PARD3: variants seen among roughly 807,000 people sequenced by gnomAD.
The protein encoded by PARD3 is par-3 family cell polarity regulator.
In PARD3, 75 loss-of-function variants were observed where a neutral mutation model predicts 155.4. That is an observed-to-expected ratio of 0.48 (90% CI 0.40 to 0.58). The LOEUF is 0.58. PARD3 is among the 20% of genes least tolerant of loss of function. PARD3 has a pLI of 0.00. For missense variants in PARD3, 1,642 were observed against 1,721.7 expected, an observed-to-expected ratio of 0.95 and a Z score of 0.82; for synonymous variants, 576 against 610.5, an observed-to-expected ratio of 0.94 and a Z score of 0.83.
chr10:34,586,272 T>A (rs1408820557), intron 2 of PARD3, among the ~76,000 whole-genome samples: 1 of 152,134 alleles, frequency 6.6e-6, no homozygotes, highest in Non-Finnish European at 1.5e-5. Flanking sequence ...ATTAAAGGAA[T>A]TCAGGATCAA....
At chr10:34,775,403 G>C (rs1839410217) in intron 1 of PARD3, among the ~76,000 whole-genome samples, 1 of 152,150 alleles carries the variant, frequency 6.6e-6, no homozygotes, top group Non-Finnish European at 1.5e-5. Flanking sequence ...CCAGCTACTT[G>C]AGAGGCTGAG....
At chr10:34,666,816 T>TGTATATATATATATATATATATATATAC (rs1554804683) in intron 2 of PARD3, among the ~76,000 whole-genome samples, 1 of 88,768 alleles carries the variant, frequency 1.1e-5, no homozygotes. Flanking sequence ...TATATATATA[T>TGTATATATATATATATATATATATATAC]ACACACACAC....
chr10:34,156,775 C>A (rs1438817669), intron 22 of PARD3, among the ~76,000 whole-genome samples: 3 of 152,116 alleles, frequency 2.0e-5, no homozygotes, highest in Non-Finnish European at 4.4e-5. Flanking sequence ...TCTCATGAGA[C>A]CAAACGACTG....
chr10:34,142,065 A>T (rs1350524481), intron 22 of PARD3, among the ~76,000 whole-genome samples: 1 of 152,174 alleles, frequency 6.6e-6, no homozygotes, highest in Non-Finnish European at 1.5e-5. Context: ...TAAGAGCTTT[A>T]AACCTCAAAG....
chr10:34,452,560 G>A (rs2077116077), intron 4 of PARD3, among the ~76,000 whole-genome samples: 1 of 152,120 alleles, frequency 6.6e-6, no homozygotes, highest in Non-Finnish European at 1.5e-5. Flanking sequence ...TTGGTGTCTG[G>A]AGTCCAGTAT....
intron 20 of PARD3, among the ~76,000 whole-genome samples, chr10:34,296,510 T>A (rs61840244): frequency 0.088 from 13,443 of 152,286 alleles, 663 homozygotes; most frequent in Non-Finnish European, 0.1. Context: ...ATTAAAAGCA[T>A]GAGCTCATAC....
intron 2 of PARD3, among the ~76,000 whole-genome samples, chr10:34,592,515 C>T (rs2088803443): frequency 6.6e-6 from 1 of 152,214 alleles, no homozygotes; most frequent in Admixed American, 6.5e-5. Flanking sequence ...GTGGCTCACA[C>T]CTCTAATCCC....
chr10:34,364,916 G>T (rs1839819978), intron 12 of PARD3, among the ~76,000 whole-genome samples: 1 of 152,042 alleles, frequency 6.6e-6, no homozygotes, highest in African/African-American at 2.4e-5. Context: ...ATCAATCAAA[G>T]GTTATCAAAT....
At chr10:34,314,775 T>C (rs1276984242) in intron 20 of PARD3, among the ~76,000 whole-genome samples, 2 of 152,344 alleles carry the variant, frequency 1.3e-5, no homozygotes, top group African/African-American at 4.8e-5. Context: ...GCAGAGATCA[T>C]AGTAAAGTAT....
intron 20 of PARD3, among the ~76,000 whole-genome samples, chr10:34,310,733 T>C (rs1325134360): frequency 2.6e-5 from 4 of 152,202 alleles, no homozygotes; most frequent in Non-Finnish European, 1.5e-5. Flanking sequence ...AGTTGGACAT[T>C]TATTTTCCTG....
chr10:34,273,381 A>G (rs1955722885), intron 21 of PARD3, among the ~76,000 whole-genome samples: 1 of 152,168 alleles, frequency 6.6e-6, no homozygotes, highest in Admixed American at 6.5e-5. Flanking sequence ...TGTGAAAAAA[A>G]CCCCAGTCAA....
intron 1 of PARD3, among the ~76,000 whole-genome samples, chr10:34,760,207 G>A (rs1018044922): frequency 1.3e-5 from 2 of 151,728 alleles, no homozygotes; most frequent in African/African-American, 4.8e-5. Flanking sequence ...CAGCGGTGTA[G>A]AAACAGTATT....
At chr10:34,117,824 T>C (rs1946768320) in intron 24 of PARD3, among the ~76,000 whole-genome samples, 3 of 152,244 alleles carry the variant, frequency 2.0e-5, no homozygotes, top group Admixed American at 6.5e-5. Context: ...GGCATGAGAA[T>C]TGCTTGAGTC....
chr10:34,724,003 G>A (rs2094654187), intron 1 of PARD3, among the ~76,000 whole-genome samples: 1 of 152,176 alleles, frequency 6.6e-6, no homozygotes, highest in Non-Finnish European at 1.5e-5. Context: ...AGCACTCAAC[G>A]AGCACAAGCT....
Position 34,359,319 on chromosome 10 carries a change from T to C in PARD3, c.1897-2A>G. ...ATCATTCACCCGAAGCCTTCCATCCTGGGAAGAAAACAGGTAAAAATAAGT... is the reference window on the plus strand; with the variant it reads ...ATCATTCACCCGAAGCCTTCCATCCCGGGAAGAAAACAGGTAAAAATAAGT... On this transcript the variant is annotated splice_acceptor_variant, in intron 13 of 24. Transcript: ENST00000374788. LOFTEE classifies it high-confidence loss of function. The C allele has an allele frequency of 6.2e-7, 1 of 1,611,194 alleles. No homozygotes were observed. The highest frequency in any genetic ancestry group is 8.5e-7 in the Non-Finnish European group (1 of 1,178,492).
chr10:34,501,005 T>G (rs2080662099), intron 3 of PARD3, among the ~76,000 whole-genome samples: 1 of 152,212 alleles, frequency 6.6e-6, no homozygotes, highest in African/African-American at 2.4e-5. Context: ...TAAAAATAAC[T>G]AATTTGTTAC....
At chr10:34,685,377 T>G (rs2093937327) in intron 2 of PARD3, among the ~76,000 whole-genome samples, 1 of 152,152 alleles carries the variant, frequency 6.6e-6, no homozygotes, top group Non-Finnish European at 1.5e-5. Flanking sequence ...CTGGGCTACA[T>G]CCACTTCACC....
At chr10:34,740,198 C>T (rs2094983970) in intron 1 of PARD3, among the ~76,000 whole-genome samples, 1 of 152,238 alleles carries the variant, frequency 6.6e-6, no homozygotes, top group African/African-American at 2.4e-5. Context: ...CTGCCTCCTC[C>T]AGTTCCAGCA....
chr10:34,121,199 T>G (rs1482676146), intron 23 of PARD3, among the ~76,000 whole-genome samples: 7 of 152,268 alleles, frequency 4.6e-5, no homozygotes, highest in Non-Finnish European at 1.5e-5. Flanking sequence ...ATCAGGTTTC[T>G]GGGATGCTTC....
Sources: allele counts gnomAD v4.1 joint callset (sites outside exome capture counted in the v4.1 genomes callset), GRCh38; gene constraint gnomAD v4.1.1; transcripts MANE v1.5; gene names NCBI Gene and HGNC (gene_info 2026-07-23, HGNC 2026-07-21).